The following DNAH5 variants were observed in gnomAD, a reference collection of about 807,000 sequenced individuals.
The protein encoded by DNAH5 is dynein axonemal heavy chain 5, also known as axonemal beta dynein heavy chain 5.
A neutral mutation model predicts 518.2 loss-of-function variants in DNAH5; 372 were observed. The observed-to-expected ratio is 0.72, with a 90% CI of 0.66 to 0.78. The LOEUF is 0.78. DNAH5 is among the 30% of genes least tolerant of loss of function. DNAH5 has a pLI of 0.00. For synonymous variants in DNAH5, 2,039 were observed against 2,025.9 expected, an observed-to-expected ratio of 1.01 and a Z score of -0.17; for missense variants, 5,523 against 5,687.0, an observed-to-expected ratio of 0.97 and a Z score of 0.93.
At chr5:13,914,007 A>G in intron 10 of DNAH5, 49 bp from the exon 11 acceptor site, 1 of 1,593,614 alleles carries the variant, frequency 6.3e-7, no homozygotes, top group South Asian at 1.1e-5. Flanking sequence ...GAAAGGTATC[A>G]ACTTTATTTT....
At chr5:13,788,966 G>A (rs759182657) in intron 50 of DNAH5, 52 bp from the exon 51 acceptor site, 2 of 1,523,122 alleles carry the variant, frequency 1.3e-6, no homozygotes, top group Non-Finnish European at 1.8e-6. Flanking sequence ...TGCCGTAATT[G>A]GGAATTCAGG....
chr5:13,770,963 T>G lies in DNAH5; in HGVS notation c.9391A>C (p.Thr3131Pro). ...AAACTGCAGTCAATATCATAGGAAG[T>G]GAGGAAGTGTTCAGACACTAGAGAG... ...ALVAVSEHFLTSYDIDCSLEI... is the reference protein window; with the variant it reads ...ALVAVSEHFLPSYDIDCSLEI... Residue 3131 changes from threonine to proline, a missense_variant, in exon 56 of 79, where the codon ACT (threonine) becomes CCT (proline). Physicochemically the swap from Thr to Pro is conservative, Grantham distance 38 (BLOSUM62 -1). This residue lies in a region of DNAH5 where 5,121 missense variants were observed against 5,223.3 expected (regional missense o/e 0.98). Transcript: ENST00000265104. The G allele has an allele frequency of 6.2e-7, 1 of 1,613,356 alleles. No homozygotes were observed. Among genetic ancestry groups the G allele is most frequent in the Non-Finnish European group, 8.5e-7 (1 of 1,179,384 alleles).
intron 56 of DNAH5, among the ~76,000 whole-genome samples, chr5:13,770,175 A>C (rs868192728): frequency 3.0e-4 from 45 of 152,154 alleles, no homozygotes; most frequent in Non-Finnish European, 2.2e-4. Flanking sequence ...GGCTGATTCT[A>C]GCCACGCTCA....
At chr5:13,819,127 T>G (rs1160490971) in intron 41 of DNAH5, among the ~76,000 whole-genome samples, 1 of 152,226 alleles carries the variant, frequency 6.6e-6, no homozygotes, top group African/African-American at 2.4e-5. Flanking sequence ...GCATTTAAAG[T>G]TTATTGTTAA....
chr5:13,952,805 C>T lies in DNAH5; in HGVS notation c.13-21561G>A, dbSNP rs905775257. On this transcript the variant is annotated intron_variant, in intron 1 of 78. Transcript: ENST00000681290. ...TTTTCTTCAGGGTTTTTTAAAGAGACGGGGTCTCACTCTGTTGCCCAGGTT... is the reference window on the plus strand; with the variant it reads ...TTTTCTTCAGGGTTTTTTAAAGAGATGGGGTCTCACTCTGTTGCCCAGGTT... 1.1e-4 allele frequency among the ~76,000 whole-genome samples: 16 copies of T among 152,106 alleles called. 1 individual carries two copies. The highest frequency in any genetic ancestry group is 2.4e-5 in the African/African-American group (1 of 41,418).
chr5:13,770,604 C>T (rs111629256), intron 56 of DNAH5, 145 bp downstream of exon 56: 12 of 728,356 alleles, frequency 1.6e-5, no homozygotes, highest in African/African-American at 1.4e-4. Flanking sequence ...CCACTACATG[C>T]CAGCAGTACC....
At chr5:14,008,916 C>T (rs1245908661) in intron 1 of DNAH5, among the ~76,000 whole-genome samples, 1 of 152,240 alleles carries the variant, frequency 6.6e-6, no homozygotes, top group Non-Finnish European at 1.5e-5. Context: ...GCCCTTCACC[C>T]CATGCATCGG....
chr5:13,701,451 T>C lies in DNAH5; in HGVS notation c.13339-15A>G. On this transcript the variant is annotated splice_polypyrimidine_tract_variant and intron_variant, in intron 76 of 78. Coordinates refer to ENST00000265104, the MANE Select transcript of DNAH5 (RefSeq NM_001369.3). ...ATCCAAGAAGCCTGCAATGAAGACATTAAAACAATTAATTGATGTAAGTTT... is the reference window on the plus strand; with the variant it reads ...ATCCAAGAAGCCTGCAATGAAGACACTAAAACAATTAATTGATGTAAGTTT... 3 of 1,600,716 alleles carry C rather than the reference T, an allele frequency of 1.9e-6. No individual in the cohort carries two copies. Among genetic ancestry groups the C allele is most frequent in the Non-Finnish European group, 2.6e-6 (3 of 1,167,944 alleles).
At chr5:13,731,525 G>A (rs1408700742) in intron 68 of DNAH5, among the ~76,000 whole-genome samples, 1 of 152,142 alleles carries the variant, frequency 6.6e-6, no homozygotes, top group Non-Finnish European at 1.5e-5. Flanking sequence ...TGGGGGAGAG[G>A]ACATATTCCT....
rs1398009082 is a variant in DNAH5 at position 13,738,157 on chromosome 5, G to A, written c.11212-662C>T. Among the ~76,000 whole-genome samples the A allele has an allele frequency of 2.0e-5, 3 of 150,576 alleles. No homozygotes were observed. In the East Asian group the frequency reaches 5.8e-4, roughly 29 times the overall value. ...ATAGGTGCCAAGCAACATGAAACCT[G>A]CAAAAAATACTACCAGCATCCCTTT... On this transcript the variant is annotated intron_variant, in intron 65 of 78. Transcript: ENST00000265104.
At chr5:13,924,772 T>C (rs1321087896) in intron 3 of DNAH5, among the ~76,000 whole-genome samples, 1 of 152,070 alleles carries the variant, frequency 6.6e-6, no homozygotes, top group Non-Finnish European at 1.5e-5. Flanking sequence ...CACATAAGAA[T>C]ACTAGCCTCT....
chr5:13,808,678 G>A (rs1043716145), intron 46 of DNAH5, among the ~76,000 whole-genome samples: 1 of 148,182 alleles, frequency 6.7e-6, no homozygotes, highest in African/African-American at 2.5e-5. Context: ...GCTTCATGTT[G>A]GCTGGGCACG....
At chr5:13,769,182 C>T (rs1752938600) in intron 57 of DNAH5, 46 bp from the exon 58 acceptor site, 1 of 1,592,746 alleles carries the variant, frequency 6.3e-7, no homozygotes, top group Non-Finnish European at 8.6e-7. Flanking sequence ...CAGTATTAAA[C>T]ATCCAGCTGA....
intron 35 of DNAH5, among the ~76,000 whole-genome samples, chr5:13,837,810 C>T (rs1326836331): frequency 2.7e-5 from 4 of 149,482 alleles, no homozygotes; most frequent in East Asian, 2.0e-4. Flanking sequence ...AAGTGATTCT[C>T]CTGCCTCAGC....
intron 65 of DNAH5, among the ~76,000 whole-genome samples, chr5:13,741,165 G>A (rs1748472499): frequency 6.6e-6 from 1 of 152,124 alleles, no homozygotes; most frequent in African/African-American, 2.4e-5. Context: ...AATAAAGGAG[G>A]TGTTAACAAA....
chr5:13,762,736 C>T lies in DNAH5; in HGVS notation c.10267G>A (p.Val3423Ile), dbSNP rs1194072346. Residue 3423 changes from valine (V) to isoleucine (I), a missense_variant, in exon 60 of 79, where the codon GTA (valine) becomes ATA (isoleucine). Physicochemically the swap from Val to Ile is conservative, Grantham distance 29. Transcript: ENST00000265104. ...MASFFSINKEVLPLKANLVVQ... is the reference protein window; with the variant it reads ...MASFFSINKEILPLKANLVVQ... ...AGCAGGCTTACCTTCAGAGGCAGTACTTCTTTGTTTATAGAAAAGAAGGAA... is the reference window on the plus strand; with the variant it reads ...AGCAGGCTTACCTTCAGAGGCAGTATTTCTTTGTTTATAGAAAAGAAGGAA... 7 of 1,614,066 alleles carry T rather than the reference C, an allele frequency of 4.3e-6. No individual in the cohort carries two copies. Among genetic ancestry groups the T allele is most frequent in the Non-Finnish European group, 5.9e-6 (7 of 1,179,990 alleles).
rs780971676 is a variant in DNAH5, at chr5:13,778,586, GAAAGAA to G, written c.8952-1237_8952-1232del. Reference sequence around the variant, plus strand: ...AGAAAGAAAGAAAGAAAGAAAGAAAGAAAGAAAGAAAGAGAGAGAGAAAGAAAAAGA... The same window carrying G: ...AGAAAGAAAGAAAGAAAGAAAGAAAGAGAAAGAGAGAGAGAAAGAAAAAGA... On this transcript the variant is annotated intron_variant, in intron 53 of 78. Coordinates refer to ENST00000265104, the MANE Select transcript of DNAH5 (RefSeq NM_001369.3). 8.0e-3 allele frequency among the ~76,000 whole-genome samples: 628 copies of G among 78,288 alleles called. 11 individuals carry two copies. Among genetic ancestry groups the G allele is most frequent in the African/African-American group, 0.022 (485 of 21,746 alleles). 51.4% of individuals were successfully genotyped at this position (78,288 alleles called of 152,430 possible). A position where few individuals can be genotyped will look rare whatever the true frequency, so the allele number is the denominator to read the frequency against.
Position 13,777,207 on chromosome 5 carries a change from CTGATGATAAAACAT to C in DNAH5, c.9086_9099del (p.Asn3029ArgfsTer2). 1 of 1,612,396 alleles carries C rather than the reference CTGATGATAAAACAT, an allele frequency of 6.2e-7. No individual in the cohort carries two copies. The highest frequency in any genetic ancestry group is 2.2e-5 in the East Asian group (1 of 44,760). On this transcript the variant is annotated frameshift_variant, in exon 54 of 79. Coordinates refer to ENST00000265104, the MANE Select transcript of DNAH5 (RefSeq NM_001369.3). LOFTEE classifies it high-confidence loss of function. ...AAGAATAAATGAGCTCCTACCTCAC[CTGATGATAAAACAT>C]TGTTCATATATTCCAAAAATGACTC... is the stretch of plus-strand genomic sequence containing the variant.
chr5:13,749,176 AAAAT>A (rs1749853216), intron 65 of DNAH5, among the ~76,000 whole-genome samples: 1 of 152,164 alleles, frequency 6.6e-6, no homozygotes, highest in African/African-American at 2.4e-5. Context: ...TTTTGGGAAC[AAAAT>A]AAATAAAGGT....
Sources: allele counts gnomAD v4.1 joint callset (sites outside exome capture counted in the v4.1 genomes callset), GRCh38; gene constraint gnomAD v4.1.1; regional missense constraint gnomAD v4.1.1; transcripts MANE v1.5; gene names NCBI Gene and HGNC (gene_info 2026-07-23, HGNC 2026-07-21).